IL1RAPL1: variants seen among roughly 807,000 people sequenced by gnomAD.
IL1RAPL1 encodes the protein interleukin 1 receptor accessory protein like 1.
IL1RAPL1 carries 3 observed loss-of-function variants against 48.4 expected under a neutral mutation model. The observed-to-expected ratio is 0.06, with a 90% CI of 0.03 to 0.16. The LOEUF (loss-of-function observed/expected upper bound fraction) is 0.16, where lower values mean the gene tolerates loss of function less well. IL1RAPL1 is among the 10% of genes least tolerant of loss of function. IL1RAPL1 has a pLI of 1.00. For missense variants in IL1RAPL1, 349 were observed against 530.6 expected (o/e 0.66, Z 3.36); for synonymous variants, 185 against 187.7 (o/e 0.99, Z 0.12).
intron 5 of IL1RAPL1, among the ~76,000 whole-genome samples, chrX:29,568,934 A>G (rs1343412463): frequency 1.8e-5 from 2 of 111,493 alleles, no homozygotes; most frequent in East Asian, 5.6e-4. Flanking sequence ...GTAGTCCTTT[A>G]GAATGTCCAT....
chrX:28,779,018 A>G (rs1328418786), intron 1 of IL1RAPL1, among the ~76,000 whole-genome samples: 1 of 111,848 alleles, frequency 8.9e-6, no homozygotes, highest in Non-Finnish European at 1.9e-5. Context: ...AATGTCAAGT[A>G]TTAGTAATTT....
chrX:29,818,633 G>T (rs1003174576), intron 6 of IL1RAPL1, among the ~76,000 whole-genome samples: 14 of 111,900 alleles, frequency 1.3e-4, no homozygotes. Context: ...GTTGGAGTAG[G>T]AAGTAAGCTG....
chrX:29,208,488 G>A (rs960485895), intron 2 of IL1RAPL1, among the ~76,000 whole-genome samples: 7 of 110,256 alleles, frequency 6.3e-5, no homozygotes, highest in African/African-American at 2.3e-4. Context: ...GAGGTGGGCG[G>A]ATCACGAGGT....
intron 1 of IL1RAPL1, among the ~76,000 whole-genome samples, chrX:28,780,247 C>A (rs912204851): frequency 2.7e-5 from 3 of 109,341 alleles, no homozygotes; most frequent in African/African-American, 1.0e-4. Flanking sequence ...CAAATGTTTC[C>A]TTAAAGTAGT....
intron 2 of IL1RAPL1, among the ~76,000 whole-genome samples, chrX:29,240,195 CATATATATATAT>C (rs1224933369): frequency 1.6e-3 from 43 of 27,220 alleles, no homozygotes; most frequent in South Asian, 0.015. Flanking sequence ...CACACACACA[CATATATATATAT>C]ATATATATAT....
At chrX:29,366,654 T>C (rs554856138) in intron 3 of IL1RAPL1, among the ~76,000 whole-genome samples, 5 of 94,057 alleles carry the variant, frequency 5.3e-5, no homozygotes, top group East Asian at 7.6e-4. Flanking sequence ...CTGCAAGCTC[T>C]GCCTCCCGGG....
chrX:29,728,553 C>T (rs1461176140), intron 6 of IL1RAPL1, among the ~76,000 whole-genome samples: 1 of 112,096 alleles, frequency 8.9e-6, no homozygotes, highest in Non-Finnish European at 1.9e-5. Flanking sequence ...ACAAGTGAGG[C>T]ACTGTGCTGC....
chrX:29,673,701 G>A (rs1457041173), intron 6 of IL1RAPL1, among the ~76,000 whole-genome samples: 1 of 111,460 alleles, frequency 9.0e-6, no homozygotes, highest in East Asian at 2.8e-4. Context: ...AATAGACATC[G>A]TAATTAAACC....
intron 3 of IL1RAPL1, among the ~76,000 whole-genome samples, chrX:29,309,487 A>G (rs991628068): frequency 1.8e-5 from 2 of 112,279 alleles, no homozygotes; most frequent in African/African-American, 6.5e-5. Flanking sequence ...GAATACATTT[A>G]CAATGGAAAG....
intron 2 of IL1RAPL1, among the ~76,000 whole-genome samples, chrX:28,862,895 T>A (rs1286583006): frequency 9.0e-6 from 1 of 110,953 alleles, no homozygotes; most frequent in Non-Finnish European, 1.9e-5. Context: ...CATTTTTTTT[T>A]TTTTAGTTGG....
chrX:28,704,452 A>ACG (rs1318860857), intron 1 of IL1RAPL1, among the ~76,000 whole-genome samples: 4 of 97,705 alleles, frequency 4.1e-5, no homozygotes, highest in African/African-American at 1.5e-4. Context: ...ACACACACAC[A>ACG]CACGCATGCA....
At chrX:29,140,273 T>C in intron 2 of IL1RAPL1, among the ~76,000 whole-genome samples, 1 of 111,845 alleles carries the variant, frequency 8.9e-6, no homozygotes, top group Non-Finnish European at 1.9e-5. Context: ...ATATTGGAGA[T>C]CAATTTTCAA....
intron 6 of IL1RAPL1, among the ~76,000 whole-genome samples, chrX:29,823,967 T>C (rs929814535): frequency 4.5e-5 from 5 of 111,879 alleles, no homozygotes; most frequent in South Asian, 3.7e-4. Context: ...TGTGTCTATG[T>C]GTAGCCAATC....
chrX:29,158,940 C>CA (rs1929624851), intron 2 of IL1RAPL1, among the ~76,000 whole-genome samples: 3 of 59,535 alleles, frequency 5.0e-5, no homozygotes, highest in Admixed American at 3.8e-4. Context: ...CTCCCCCCCC[C>CA]TCCCTCCCTC....
intron 5 of IL1RAPL1, among the ~76,000 whole-genome samples, chrX:29,510,296 G>T (rs1324065097): frequency 8.9e-6 from 1 of 111,974 alleles, no homozygotes; most frequent in Non-Finnish European, 1.9e-5. Context: ...GAGGACATTG[G>T]CTGTCAACAG....
intron 3 of IL1RAPL1, among the ~76,000 whole-genome samples, chrX:29,332,668 T>A (rs1256524286): frequency 9.5e-6 from 1 of 104,798 alleles, no homozygotes; most frequent in Non-Finnish European, 1.9e-5. Context: ...TTTTTTTTTA[T>A]TGATCATTCT....
chrX:29,882,337 G>T (rs1229464298), intron 6 of IL1RAPL1, among the ~76,000 whole-genome samples: 1 of 111,532 alleles, frequency 9.0e-6, no homozygotes, highest in Non-Finnish European at 1.9e-5. Flanking sequence ...TCGGGTACTA[G>T]TCCTGGATTC....
intron 2 of IL1RAPL1, among the ~76,000 whole-genome samples, chrX:29,102,317 C>G (rs1178176746): frequency 8.9e-6 from 1 of 111,888 alleles, no homozygotes; most frequent in African/African-American, 3.3e-5. Flanking sequence ...ACTGGAAGTC[C>G]TAGCTAGAGG....
chrX:28,672,437 C>T (rs977512384), intron 1 of IL1RAPL1, among the ~76,000 whole-genome samples: 1 of 111,519 alleles, frequency 9.0e-6, no homozygotes, highest in African/African-American at 3.3e-5. Flanking sequence ...CTACTAAGAG[C>T]AGTGATGCAT....
Sources: allele counts gnomAD v4.1 joint callset (sites outside exome capture counted in the v4.1 genomes callset), GRCh38; gene constraint gnomAD v4.1.1; transcripts MANE v1.5; gene names NCBI Gene and HGNC (gene_info 2026-07-23, HGNC 2026-07-21).